STYX: variants seen among roughly 807,000 people sequenced by gnomAD.
STYX encodes the protein serine/threonine/tyrosine-interacting protein.
In STYX, 20 loss-of-function variants were observed where a neutral mutation model predicts 42.7. The ratio of observed to expected loss-of-function variants is 0.47; its 90% confidence interval spans 0.33 to 0.68. The LOEUF (loss-of-function observed/expected upper bound fraction) is 0.68. Ranked by LOEUF, STYX falls within the 30% of genes least tolerant of loss-of-function variation. The pLI is 0.02. For missense variants in STYX, 226 were observed against 268.5 expected (o/e 0.84, Z 1.11); for synonymous variants, 78 against 81.9 (o/e 0.95, Z 0.26).
chr14:52,753,757 T>C (rs1170672978), intron 4 of STYX, among the ~76,000 whole-genome samples: 1 of 152,066 alleles, frequency 6.6e-6, no homozygotes, highest in East Asian at 1.9e-4. Context: ...ATGTTTTTTA[T>C]TGTTGTCGGT....
chr14:52,751,514 T>A (rs1033144427), intron 4 of STYX, among the ~76,000 whole-genome samples: 3 of 151,942 alleles, frequency 2.0e-5, no homozygotes, highest in African/African-American at 7.3e-5. Flanking sequence ...TTCCAGTGCG[T>A]TGTATCAGTG....
At chr14:52,746,645 C>A (rs959747611) in intron 3 of STYX, among the ~76,000 whole-genome samples, 166 bp downstream of exon 3, 1 of 152,114 alleles carries the variant, frequency 6.6e-6, no homozygotes, top group African/African-American at 2.4e-5. Context: ...TTTACTAGAC[C>A]AGTAGTTCTC....
intron 9 of STYX, among the ~76,000 whole-genome samples, chr14:52,761,645 T>C (rs1882100296): frequency 1.4e-5 from 2 of 143,200 alleles, no homozygotes; most frequent in Non-Finnish European, 3.0e-5. Flanking sequence ...CTCGGTTCAC[T>C]GCAACCTCCA....
At chr14:52,753,835 T>A (rs1036109278) in intron 4 of STYX, among the ~76,000 whole-genome samples, 2 of 151,640 alleles carry the variant, frequency 1.3e-5, no homozygotes, top group African/African-American at 2.4e-5. Context: ...GTTTTTTTTT[T>A]ACACCATATT....
intron 1 of STYX, among the ~76,000 whole-genome samples, chr14:52,743,754 T>C (rs2139891819): frequency 6.6e-6 from 1 of 152,282 alleles, no homozygotes; most frequent in African/African-American, 2.4e-5. Context: ...CTAATAATAA[T>C]TCTGAGTTTT....
intron 3 of STYX, among the ~76,000 whole-genome samples, chr14:52,749,174 C>T (rs1881510366): frequency 6.6e-6 from 1 of 152,110 alleles, no homozygotes. Context: ...TGTATCCTCA[C>T]ACGGCCAAGA....
rs550252355 is a variant in STYX, at chr14:52,773,979, G to T, written c.*2873G>T. On this transcript the variant is annotated 3_prime_UTR_variant, in exon 11 of 11. Coordinates refer to ENST00000354586, the MANE Select transcript of STYX (RefSeq NM_145251.4). ...GGGAAACTGTATTACTGTCCATTTTGAAAATATGAAACTTGAGTATTGAAA... is the reference window on the plus strand; with the variant it reads ...GGGAAACTGTATTACTGTCCATTTTTAAAATATGAAACTTGAGTATTGAAA... 3.1e-3 allele frequency: 465 copies of T among 152,216 alleles called. 4 individuals carry two copies. Among genetic ancestry groups the T allele is most frequent in the African/African-American group, 0.01 (432 of 41,536 alleles). The allele number at this position is 152,216 out of a possible 1,614,324, so 9.4% of individuals were successfully genotyped here.
rs1882583875 is a variant in STYX at position 52,773,299 on chromosome 14, C to G, written c.*2193C>G. 6.7e-6 allele frequency: 1 copy of G among 149,502 alleles called. No homozygotes were observed. Among genetic ancestry groups the G allele is most frequent in the African/African-American group, 2.5e-5 (1 of 40,628 alleles). 9.3% of individuals were successfully genotyped at this position (149,502 alleles called of 1,614,324 possible). Reference sequence around the variant, plus strand: ...CACTGGGAAAAGGGACTGTCATCATCTTGAGTACTCTGTGTGTATATATAT... The same window carrying G: ...CACTGGGAAAAGGGACTGTCATCATGTTGAGTACTCTGTGTGTATATATAT... On this transcript the variant is annotated 3_prime_UTR_variant, in exon 11 of 11. Coordinates refer to ENST00000354586, the MANE Select transcript of STYX (RefSeq NM_145251.4).
chr14:52,745,180 G>A (rs1375804624), intron 2 of STYX, among the ~76,000 whole-genome samples: 1 of 151,078 alleles, frequency 6.6e-6, no homozygotes, highest in African/African-American at 2.4e-5. Context: ...GAGTGCAATG[G>A]CACGATCTCG....
intron 5 of STYX, among the ~76,000 whole-genome samples, chr14:52,757,008 CT>C (rs1881898238): frequency 6.6e-6 from 1 of 152,036 alleles, no homozygotes; most frequent in Admixed American, 6.6e-5. Flanking sequence ...GCTTGTAAAG[CT>C]TGCTACTTTT....
chr14:52,730,605 A>G (rs1880658139), intron 1 of STYX, 74 bp downstream of exon 1: 12 of 1,540,214 alleles, frequency 7.8e-6, no homozygotes, highest in Non-Finnish European at 8.0e-6. Flanking sequence ...CCAGTCCCCA[A>G]CCGTCTTAGC....
chr14:52,758,141 T>C (rs542737323), intron 8 of STYX, among the ~76,000 whole-genome samples: 1 of 152,314 alleles, frequency 6.6e-6, no homozygotes, highest in African/African-American at 2.4e-5. Flanking sequence ...GGAAAACTAC[T>C]TACCTACCAC....
rs201054322 is a variant in STYX, at chr14:52,757,875, G to T, written c.382G>T (p.Ala128Ser). The T allele has an allele frequency of 1.1e-5, 17 of 1,612,706 alleles. No individual in the cohort carries two copies. The highest frequency in any genetic ancestry group is 8.5e-7 in the Non-Finnish European group (1 of 1,179,768). Residue 128 changes from alanine to serine, a missense_variant and splice_region_variant, in exon 8 of 11, where the codon GCA becomes TCA. Ala to Ser is a moderately conservative substitution (Grantham distance 99). Transcript: ENST00000354586. ...VHGNAGISRS[A>S]AFVIAYIMET... ...TTAAAATTATTTTCCCCTCTTCAGT[G>T]CAGCCTTTGTTATTGCATACATTAT...
intron 4 of STYX, among the ~76,000 whole-genome samples, chr14:52,755,683 GTTTTTTTTTT>G (rs372975976): frequency 7.7e-6 from 1 of 129,824 alleles, no homozygotes; most frequent in South Asian, 2.5e-4. Flanking sequence ...CTCTCAGCTA[GTTTTTTTTTT>G]TTTTTTTTTT....
At chr14:52,734,670 T>A (rs1880873947) in intron 1 of STYX, among the ~76,000 whole-genome samples, 1 of 152,222 alleles carries the variant, frequency 6.6e-6, no homozygotes, top group African/African-American at 2.4e-5. Context: ...GATGCAAGTA[T>A]TGTCTGCTGA....
chr14:52,749,337 C>T (rs1000609136), intron 3 of STYX, among the ~76,000 whole-genome samples: 1 of 152,168 alleles, frequency 6.6e-6, no homozygotes, highest in Non-Finnish European at 1.5e-5. Context: ...GTGATGCAAA[C>T]ATTTAGTTCA....
At chr14:52,754,924 T>G (rs886793784) in intron 4 of STYX, among the ~76,000 whole-genome samples, 14 of 152,330 alleles carry the variant, frequency 9.2e-5, no homozygotes, top group African/African-American at 3.4e-4. Context: ...TAGCAGTGCT[T>G]GACACTGAAA....
Position 52,730,511 on chromosome 14 carries a change from C to G in STYX, c.37C>G (p.Gln13Glu). The change falls in exon 1 of 11, where the codon CAG (glutamine) becomes GAG (glutamate). Residue 13 changes from glutamine to glutamate, a missense_variant. Gln to Glu is a conservative substitution (Grantham distance 29, BLOSUM62 2). Transcript: ENST00000354586. ...GAAGCTGGAGTTCCCTTCCCTTCCA[C>G]AGTGCAAGGAAGACGCCGAGGTGAG... Reference protein sequence around the residue: ...DVKLEFPSLPQCKEDAEEWTY... With the variant: ...DVKLEFPSLPECKEDAEEWTY... The G allele has an allele frequency of 6.2e-7, 1 of 1,613,688 alleles. No individual in the cohort carries two copies. Among genetic ancestry groups the G allele is most frequent in the Non-Finnish European group, 8.5e-7 (1 of 1,179,876 alleles).
chr14:52,736,724 G>A (rs1880968980), intron 1 of STYX, among the ~76,000 whole-genome samples: 1 of 152,070 alleles, frequency 6.6e-6, no homozygotes, highest in Non-Finnish European at 1.5e-5. Flanking sequence ...CTGATGCGTG[G>A]ACCCTACCAG....
Sources: gnomAD v4.1 joint callset for allele counts (sites outside exome capture counted in the v4.1 genomes callset) on GRCh38, gnomAD v4.1.1 for gene constraint, MANE v1.5 for transcripts, NCBI Gene and HGNC (gene_info 2026-07-23, HGNC 2026-07-21) for gene names.